Variants in GNAO1 observed in about 807,000 individuals in gnomAD.
GNAO1 encodes the protein guanine nucleotide-binding protein G(o) subunit alpha.
For missense variants in GNAO1, 166 were observed against 478.7 expected, an observed-to-expected ratio of 0.35 and a Z score of 6.10; for synonymous variants, 164 against 180.7, an observed-to-expected ratio of 0.91 and a Z score of 0.74.
chr16:56,347,838 C>G, intron 6 of GNAO1: 1 of 982,578 alleles, frequency 1.0e-6, no homozygotes, highest in South Asian at 4.7e-5. Flanking sequence ...TCTGGGCAGC[C>G]AGGCCCTCCC....
At chr16:56,288,794 A>T (rs1056689033) in intron 3 of GNAO1, among the ~76,000 whole-genome samples, 1 of 151,998 alleles carries the variant, frequency 6.6e-6, no homozygotes, top group Non-Finnish European at 1.5e-5. Context: ...CACTTAGAAC[A>T]CTGACCCCTC....
At position 56,344,502 on chromosome 16, in the gene GNAO1, C is replaced by T. The variant is rs1442926970; in HGVS notation, c.724-6882C>T. On this transcript the variant is annotated intron_variant, in intron 6 of 8. Coordinates refer to ENST00000262493, the MANE Select transcript of GNAO1 (RefSeq NM_020988.3). ...GGCGATGGCCTCCGTCTCCCTGCTCCCTCCCCTGGGTCTCAGCCCTTCCTT... is the reference window on the plus strand; with the variant it reads ...GGCGATGGCCTCCGTCTCCCTGCTCTCTCCCCTGGGTCTCAGCCCTTCCTT... The T allele has an allele frequency of 1.1e-5, 11 of 989,658 alleles. No homozygotes were observed. The African/African-American group carries it at 1.4e-4, about 13-fold the overall frequency. 61.3% of individuals were successfully genotyped at this position (989,658 alleles called of 1,614,324 possible).
At chr16:56,353,226 C>T (rs1313880668) in intron 7 of GNAO1, 1 of 152,370 alleles carries the variant, frequency 6.6e-6, no homozygotes, top group African/African-American at 2.4e-5. Context: ...ACGATGGAGT[C>T]CAGTAGGCCC....
chr16:56,328,932 G>C, intron 4 of GNAO1, 141 bp downstream of exon 4: 1 of 776,722 alleles, frequency 1.3e-6, no homozygotes, highest in Non-Finnish European at 2.0e-6. Flanking sequence ...TAGGTAGAGG[G>C]TGTCAGGAAG....
intron 3 of GNAO1, among the ~76,000 whole-genome samples, chr16:56,312,480 A>AGGC (rs1460863143): frequency 4.6e-5 from 7 of 152,178 alleles, no homozygotes; most frequent in Non-Finnish European, 1.0e-4. Flanking sequence ...GCAAACACTG[A>AGGC]GGCGGCCACA....
intron 3 of GNAO1, among the ~76,000 whole-genome samples, chr16:56,309,541 G>T (rs1281654544): frequency 6.6e-6 from 1 of 152,222 alleles, no homozygotes; most frequent in Non-Finnish European, 1.5e-5. Context: ...GGAGCAGGAG[G>T]TCTGCGGGCT....
At chr16:56,240,977 C>A (rs2036688689) in intron 2 of GNAO1, among the ~76,000 whole-genome samples, 1 of 152,154 alleles carries the variant, frequency 6.6e-6, no homozygotes, top group Admixed American at 6.5e-5. Context: ...GAAGAGTGCT[C>A]CTTCCAGGAG....
chr16:56,256,374 A>C (rs1381296611), intron 2 of GNAO1, among the ~76,000 whole-genome samples: 1 of 152,088 alleles, frequency 6.6e-6, no homozygotes, highest in Non-Finnish European at 1.5e-5. Flanking sequence ...AATTCCACCC[A>C]CATACACACA....
chr16:56,228,879 G>C (rs138854864), intron 2 of GNAO1, among the ~76,000 whole-genome samples: 1 of 152,192 alleles, frequency 6.6e-6, no homozygotes, highest in Non-Finnish European at 1.5e-5. Flanking sequence ...TGCTACTGAC[G>C]TGTATATATA....
At chr16:56,218,667 G>GTC (rs778161140) in intron 2 of GNAO1, among the ~76,000 whole-genome samples, 10 of 152,122 alleles carry the variant, frequency 6.6e-5, no homozygotes, top group Non-Finnish European at 1.3e-4. Context: ...CCATTGCCAT[G>GTC]TCTCTCTCTA....
intron 2 of GNAO1, among the ~76,000 whole-genome samples, chr16:56,254,041 A>T (rs1352297354): frequency 6.6e-6 from 1 of 152,002 alleles, no homozygotes; most frequent in African/African-American, 2.4e-5. Flanking sequence ...TTTATTAAAC[A>T]TACATTGTTT....
intron 3 of GNAO1, among the ~76,000 whole-genome samples, chr16:56,300,143 TTCTC>T (rs2037331420): frequency 1.3e-5 from 2 of 151,696 alleles, no homozygotes; most frequent in South Asian, 2.1e-4. Flanking sequence ...ACTACATGCC[TTCTC>T]TCTCTAAGGA....
chr16:56,354,817 C>A lies in GNAO1; in HGVS notation c.878-49C>A. 1 of 1,194,646 alleles carries A rather than the reference C, an allele frequency of 8.4e-7. No individual in the cohort carries two copies. The highest frequency in any genetic ancestry group is 1.2e-6 in the Non-Finnish European group (1 of 805,590). 74.0% of individuals were successfully genotyped at this position (1,194,646 alleles called of 1,614,324 possible). On this transcript the variant is annotated intron_variant, in intron 7 of 8. Transcript: ENST00000262493. This position sits in a 1 kb window ranked among gnomAD's most constrained non-coding sequence, Gnocchi z 4.3. ...TCTTCATGTCCCCAGCCCTGTCCAC[C>A]CACAGCGCTCATCAGGGCCTCTCCC... is the stretch of plus-strand genomic sequence containing the variant.
chr16:56,290,138 T>C (rs1389617230), intron 3 of GNAO1, among the ~76,000 whole-genome samples: 1 of 152,164 alleles, frequency 6.6e-6, no homozygotes, highest in African/African-American at 2.4e-5. Flanking sequence ...AGGGGACTTC[T>C]CCACCACTGC....
chr16:56,206,579 T>G (rs530924835), intron 2 of GNAO1, among the ~76,000 whole-genome samples: 1 of 152,284 alleles, frequency 6.6e-6, no homozygotes, highest in African/African-American at 2.4e-5. Flanking sequence ...GTGGGTGATG[T>G]AAATATTTTC....
intron 2 of GNAO1, among the ~76,000 whole-genome samples, chr16:56,202,893 G>A (rs1458145357): frequency 2.6e-5 from 4 of 152,206 alleles, no homozygotes; most frequent in African/African-American, 9.6e-5. Context: ...TGTCAGTGAT[G>A]AACAAATCAA....
intron 4 of GNAO1, among the ~76,000 whole-genome samples, chr16:56,332,707 C>T (rs1252654109): frequency 1.3e-5 from 2 of 152,246 alleles, no homozygotes; most frequent in Non-Finnish European, 2.9e-5. Context: ...TGCCCACCCT[C>T]CACAGCCGTC....
chr16:56,191,935 G>A lies in GNAO1; in HGVS notation c.-301G>A. ...GCACAAGCCTCAGTGCCTGCAGTCC[G>A]CGCCTCCTCGGCCCGCGGGCGCCTC... On this transcript the variant is annotated 5_prime_UTR_variant, in exon 1 of 9. Coordinates refer to ENST00000262493, the MANE Select transcript of GNAO1 (RefSeq NM_020988.3). This position sits in a 1 kb window ranked among gnomAD's most constrained non-coding sequence, Gnocchi z 4.7. The A allele has an allele frequency of 4.4e-6, 2 of 454,322 alleles. No individual in the cohort carries two copies. The highest frequency in any genetic ancestry group is 7.9e-6 in the Non-Finnish European group (2 of 254,182). 28.1% of individuals were successfully genotyped at this position (454,322 alleles called of 1,614,324 possible). A position where few individuals can be genotyped will look rare whatever the true frequency, so the allele number is the denominator to read the frequency against.
At chr16:56,210,871 T>C (rs2036379905) in intron 2 of GNAO1, among the ~76,000 whole-genome samples, 1 of 152,260 alleles carries the variant, frequency 6.6e-6, no homozygotes, top group Admixed American at 6.5e-5. Flanking sequence ...GTTTGTCTTC[T>C]CAGTCTCTGG....
Sources: gnomAD v4.1 joint callset for allele counts (sites outside exome capture counted in the v4.1 genomes callset) on GRCh38, gnomAD v4.1.1 for gene constraint, Gnocchi (gnomAD v3.1) non-coding constraint, MANE v1.5 for transcripts, NCBI Gene and HGNC (gene_info 2026-07-23, HGNC 2026-07-21) for gene names.